Variants in KLHL6 observed in about 807,000 individuals in gnomAD.
KLHL6 encodes the protein kelch like family member 6, also known as kelch-like protein 6.
In KLHL6, 41 loss-of-function variants were observed where a neutral mutation model predicts 58.6. The ratio of observed to expected loss-of-function variants is 0.70; its 90% confidence interval spans 0.55 to 0.91. KLHL6 has a LOEUF of 0.91. Ranked by LOEUF, KLHL6 falls within the 40% of genes least tolerant of loss-of-function variation. The pLI is 0.00. For missense variants in KLHL6, 714 were observed against 805.6 expected (o/e 0.89, Z 1.38); for synonymous variants, 338 against 322.7 (o/e 1.05, Z -0.51).
At chr3:183,528,036 A>G (rs1378796070) in intron 1 of KLHL6, 26 bp from the exon 2 acceptor site, 1 of 1,613,496 alleles carries the variant, frequency 6.2e-7, no homozygotes. Flanking sequence ...GTGAATGTGA[A>G]TCGTGCCGAG....
At chr3:183,543,930 G>A (rs759235080) in intron 1 of KLHL6, among the ~76,000 whole-genome samples, 19 of 152,264 alleles carry the variant, frequency 1.2e-4, no homozygotes, top group East Asian at 3.9e-4. Context: ...TTGGGAGGCC[G>A]AGGCAGGCGG....
chr3:183,524,542 T>G (rs958821971), intron 2 of KLHL6, among the ~76,000 whole-genome samples: 5 of 152,148 alleles, frequency 3.3e-5, no homozygotes, highest in Admixed American at 6.5e-5. Flanking sequence ...CGCTGATTGG[T>G]CTGTAAACCC....
intron 2 of KLHL6, among the ~76,000 whole-genome samples, chr3:183,510,858 A>G (rs940587131): frequency 1.1e-4 from 14 of 125,434 alleles, no homozygotes; most frequent in African/African-American, 3.6e-4. Flanking sequence ...GGGCAACAAG[A>G]GCAAAACTCC....
At chr3:183,530,541 G>C (rs1002677353) in intron 1 of KLHL6, among the ~76,000 whole-genome samples, 84 of 152,200 alleles carry the variant, frequency 5.5e-4, no homozygotes, top group African/African-American at 2.0e-3. Flanking sequence ...AATGCAAGGG[G>C]AGAGGGGTGA....
chr3:183,552,717 CAAAAAAAA>C (rs1169148282), intron 1 of KLHL6, among the ~76,000 whole-genome samples: 2 of 47,608 alleles, frequency 4.2e-5, no homozygotes, highest in East Asian at 6.4e-4. Context: ...GACTCCGTCT[CAAAAAAAA>C]AAAAAAAAAA....
rs1343764583 is a variant in KLHL6, at chr3:183,499,905, G to A, written c.910-78C>T. 16 of 1,100,584 alleles carry A rather than the reference G, an allele frequency of 1.5e-5. No homozygotes were observed. Among genetic ancestry groups the A allele is most frequent in the South Asian group, 1.2e-4 (7 of 59,434 alleles). 68.2% of individuals were successfully genotyped at this position (1,100,584 alleles called of 1,614,324 possible). A position where few individuals can be genotyped will look rare whatever the true frequency, so the allele number is the denominator to read the frequency against. Reference sequence around the variant, plus strand: ...TCGGGCTATGGAGCCATTAGGAGTCGGGTCCAATTCCCATATCTGCCACGG... The same window carrying A: ...TCGGGCTATGGAGCCATTAGGAGTCAGGTCCAATTCCCATATCTGCCACGG... On this transcript the variant is annotated intron_variant, in intron 3 of 6. Transcript: ENST00000341319. This position sits in a 1 kb window ranked among gnomAD's most constrained non-coding sequence, Gnocchi z 4.6.
At chr3:183,518,804 C>T (rs528568528) in intron 2 of KLHL6, among the ~76,000 whole-genome samples, 60 of 152,256 alleles carry the variant, frequency 3.9e-4, no homozygotes, top group Non-Finnish European at 6.8e-4. Context: ...AAACAGGAGA[C>T]GTGAGAGAAC....
chr3:183,494,303 T>C, intron 4 of KLHL6, 22 bp from the exon 5 acceptor site: 1 of 1,581,906 alleles, frequency 6.3e-7, no homozygotes, highest in Non-Finnish European at 8.7e-7. Context: ...ACAAAGCATT[T>C]AAGAAACCAT....
intron 2 of KLHL6, among the ~76,000 whole-genome samples, chr3:183,515,461 T>C (rs1323674503): frequency 6.6e-6 from 1 of 152,128 alleles, no homozygotes; most frequent in African/African-American, 2.4e-5. Context: ...GGAGGGAGGA[T>C]TGCTTGAGCC....
chr3:183,552,260 G>A (rs1430716813), intron 1 of KLHL6: 2 of 152,212 alleles, frequency 1.3e-5, no homozygotes, highest in African/African-American at 2.4e-5. Flanking sequence ...ATAGCAAAAT[G>A]TGGATTAGAA....
At chr3:183,519,895 CA>C (rs56101517) in intron 2 of KLHL6, among the ~76,000 whole-genome samples, 2,240 of 83,186 alleles carry the variant, frequency 0.027, 23 homozygotes, top group African/African-American at 0.08. Flanking sequence ...AACCCTGTCT[CA>C]AAAAAAAAAA....
intron 1 of KLHL6, chr3:183,544,531 G>A (rs989306335): frequency 2.0e-5 from 3 of 152,116 alleles, no homozygotes; most frequent in African/African-American, 7.2e-5. Context: ...TCACAGCAAA[G>A]GCAAAAGTGC....
Position 183,555,603 on chromosome 3 carries a change from C to G in KLHL6, c.51G>C (p.Glu17Asp). Reference protein sequence around the residue: ...RGAWTMGDVVEKSLEGPLAPS... With the variant: ...RGAWTMGDVVDKSLEGPLAPS... Reference sequence around the variant, plus strand: ...GTGCCAGGGGCCCTTCCAAACTCTTCTCGACCACATCACCCATGGTCCAGG... The same window carrying G: ...GTGCCAGGGGCCCTTCCAAACTCTTGTCGACCACATCACCCATGGTCCAGG... The change falls in exon 1 of 7, where the codon GAG (glutamate) becomes GAC (aspartate). Residue 17 changes from glutamate to aspartate, a missense_variant. Transcript: ENST00000341319. 6.2e-7 allele frequency: 1 copy of G among 1,613,450 alleles called. No homozygotes were observed.
rs1491238083 is a variant in KLHL6, at chr3:183,534,130, TTG to T, written c.294-6122_294-6121del. Among the ~76,000 whole-genome samples, 483 of 52,094 alleles carry T rather than the reference TTG, an allele frequency of 9.3e-3. 7 individuals carry two copies. The highest frequency in any genetic ancestry group is 0.025 in the South Asian group (26 of 1,040). The allele number at this position is 52,094 out of a possible 152,430, so 34.2% of individuals were successfully genotyped here. On this transcript the variant is annotated intron_variant, in intron 1 of 6. Transcript: ENST00000341319. Reference sequence around the variant, plus strand: ...AAAAGTACTTTACTTTTAAAGTACTTTGTACTTTTAAAGTACTTTAAAAGTAC... The same window carrying T: ...AAAAGTACTTTACTTTTAAAGTACTTTACTTTTAAAGTACTTTAAAAGTAC...
intron 2 of KLHL6, among the ~76,000 whole-genome samples, chr3:183,512,116 G>A (rs539960830): frequency 5.3e-5 from 8 of 152,152 alleles, no homozygotes; most frequent in African/African-American, 1.9e-4. Flanking sequence ...ACCAAGCCTC[G>A]TGAGCCCTCA....
At chr3:183,521,331 C>A (rs1711750643) in intron 2 of KLHL6, 1 of 152,390 alleles carries the variant, frequency 6.6e-6, no homozygotes, top group Non-Finnish European at 1.5e-5. Context: ...ACAGTCTGAT[C>A]TCTTTCTTTC....
intron 1 of KLHL6, among the ~76,000 whole-genome samples, chr3:183,554,300 A>G (rs1713031486): frequency 6.6e-6 from 1 of 152,220 alleles, no homozygotes; most frequent in South Asian, 2.1e-4. Flanking sequence ...CAGAATCAGA[A>G]AAAGAATTCC....
chr3:183,532,519 C>T lies in KLHL6; in HGVS notation c.294-4509G>A, dbSNP rs189599487. On this transcript the variant is annotated intron_variant, in intron 1 of 6. Transcript: ENST00000341319. ...GCATTGATGCCCAAATAACAGTCTA[C>T]GAGGGGCCATAAGAGACCTACAAAG... Among the ~76,000 whole-genome samples, 1,222 of 152,284 alleles carry T rather than the reference C, an allele frequency of 8.0e-3. 9 individuals are homozygous for T. The highest frequency in any genetic ancestry group is 0.011 in the Non-Finnish European group (751 of 68,034).
chr3:183,545,429 A>C (rs542442900), intron 1 of KLHL6, among the ~76,000 whole-genome samples: 2 of 152,336 alleles, frequency 1.3e-5, no homozygotes, highest in South Asian at 2.1e-4. Context: ...ATGCAGGGAT[A>C]AAGCTCACAA....
Sources: allele counts gnomAD v4.1 joint callset (sites outside exome capture counted in the v4.1 genomes callset), GRCh38; gene constraint gnomAD v4.1.1; non-coding constraint Gnocchi (gnomAD v3.1); transcripts MANE v1.5; gene names NCBI Gene and HGNC (gene_info 2026-07-23, HGNC 2026-07-21).